Variants in C4orf51 observed in about 807,000 individuals in gnomAD.
C4orf51 encodes uncharacterized protein C4orf51.
In C4orf51, 25 loss-of-function variants were observed where a neutral mutation model predicts 25.2. The ratio of observed to expected loss-of-function variants is 0.99; its 90% CI spans 0.72 to 1.39. The LOEUF (loss-of-function observed/expected upper bound fraction) is 1.39, where lower values mean the gene tolerates loss of function less well. Among genes scored for constraint, C4orf51 ranks in the 40% most tolerant of loss-of-function variants. C4orf51 has a pLI of 0.00. For missense variants in C4orf51, 252 were observed against 239.6 expected (o/e 1.05, Z -0.34); for synonymous variants, 100 against 84.5 (o/e 1.18, Z -1.01).
chr4:145,743,217 G>A (rs1196702360), intron 1 of C4orf51, among the ~76,000 whole-genome samples: 1 of 152,094 alleles, frequency 6.6e-6, no homozygotes, highest in African/African-American at 2.4e-5. Context: ...TTCTGTCTTA[G>A]TCTGTTTTGT....
At chr4:145,746,076 T>C (rs1295235701) in intron 1 of C4orf51, among the ~76,000 whole-genome samples, 1 of 152,204 alleles carries the variant, frequency 6.6e-6, no homozygotes, top group African/African-American at 2.4e-5. Flanking sequence ...TTATAATTTT[T>C]TTTCTATGGA....
chr4:145,722,719 C>A (rs1731807510), intron 2 of C4orf51, among the ~76,000 whole-genome samples: 1 of 152,174 alleles, frequency 6.6e-6, no homozygotes, highest in Non-Finnish European at 1.5e-5. Context: ...GGCTGTACAG[C>A]AGGGGGTGTA....
intron 1 of C4orf51, among the ~76,000 whole-genome samples, chr4:145,747,490 G>A (rs1204524650): frequency 6.6e-6 from 1 of 151,698 alleles, no homozygotes; most frequent in Non-Finnish European, 1.5e-5. Flanking sequence ...CTGTTGATAT[G>A]ATATATTACA....
intron 2 of C4orf51, among the ~76,000 whole-genome samples, chr4:145,717,730 G>A (rs1010644422): frequency 6.6e-6 from 1 of 152,216 alleles, no homozygotes; most frequent in African/African-American, 2.4e-5. Flanking sequence ...CTTTCAAAGA[G>A]TTCAGTTGCA....
chr4:145,719,397 A>T (rs551334070), intron 2 of C4orf51, among the ~76,000 whole-genome samples: 1 of 152,212 alleles, frequency 6.6e-6, no homozygotes, highest in Admixed American at 6.5e-5. Flanking sequence ...CGAGGTCGGG[A>T]GATCGAGACC....
intron 1 of C4orf51, among the ~76,000 whole-genome samples, chr4:145,769,909 C>T (rs1735982256): frequency 6.6e-6 from 1 of 152,208 alleles, no homozygotes; most frequent in African/African-American, 2.4e-5. Flanking sequence ...CTTGCTTCCT[C>T]AATACAGACA....
chr4:145,710,059 A>T (rs1249777673), intron 2 of C4orf51, among the ~76,000 whole-genome samples: 1 of 152,222 alleles, frequency 6.6e-6, no homozygotes, highest in East Asian at 1.9e-4. Context: ...ACACCAAAAT[A>T]TGTTAGCAGT....
intron 1 of C4orf51, among the ~76,000 whole-genome samples, chr4:145,753,954 G>T (rs1335050923): frequency 6.6e-6 from 1 of 152,204 alleles, no homozygotes; most frequent in African/African-American, 2.4e-5. Context: ...CTCTTAATGT[G>T]CCAACTCCTC....
chr4:145,730,483 T>G (rs374982116), intron 5 of C4orf51, among the ~76,000 whole-genome samples: 1 of 152,184 alleles, frequency 6.6e-6, no homozygotes, highest in Non-Finnish European at 1.5e-5. Flanking sequence ...TTAAACAGAT[T>G]GTTAAAATGG....
chr4:145,711,447 C>G (rs566656465), intron 2 of C4orf51, among the ~76,000 whole-genome samples: 109 of 152,292 alleles, frequency 7.2e-4, no homozygotes, highest in African/African-American at 2.6e-3. Flanking sequence ...CCGTATCTCT[C>G]TCCAGGTTTG....
chr4:145,769,713 G>A (rs959693284), intron 1 of C4orf51, among the ~76,000 whole-genome samples: 1 of 152,234 alleles, frequency 6.6e-6, no homozygotes, highest in South Asian at 2.1e-4. Context: ...GACCCAAGTG[G>A]TCATTTACCT....
At chr4:145,727,031 A>G in intron 3 of C4orf51, 62 bp downstream of exon 3, 2 of 1,271,910 alleles carry the variant, frequency 1.6e-6, no homozygotes, top group Non-Finnish European at 2.2e-6. Context: ...TATACACTGC[A>G]TATTATTCAT....
Position 145,765,565 on chromosome 4 carries a change from C to T in C4orf51, n.167-5423C>T. 6.2e-7 allele frequency: 1 copy of T among 1,613,256 alleles called. No homozygotes were observed. Among genetic ancestry groups the T allele is most frequent in the South Asian group, 1.1e-5 (1 of 90,906 alleles). On this transcript the variant is annotated intron_variant and non_coding_transcript_variant, in intron 1 of 1. Coordinates refer to the C4orf51 transcript ENST00000510096. This position sits in a 1 kb window ranked among gnomAD's most constrained non-coding sequence, Gnocchi z 4.7. ...TCCTTACCTTTCTCTGGCTTTTCCT[C>T]ACTGTTCAGTGAGGGCTGGCTCCCA...
At chr4:145,790,672 T>C in the C4orf51 span, among the ~76,000 whole-genome samples, 4 of 152,228 alleles carry the variant, frequency 2.6e-5, no homozygotes, top group African/African-American at 9.6e-5. Flanking sequence ...TATGGACAAG[T>C]CTTGATCATA....
At chr4:145,695,151 A>G (rs1423164004) in intron 1 of C4orf51, among the ~76,000 whole-genome samples, 1 of 152,238 alleles carries the variant, frequency 6.6e-6, no homozygotes, top group African/African-American at 2.4e-5. Context: ...TAGCTTTTTG[A>G]GGAATTGTCA....
chr4:145,749,486 T>A (rs1415193976), intron 1 of C4orf51, among the ~76,000 whole-genome samples: 1 of 152,190 alleles, frequency 6.6e-6, no homozygotes, highest in Admixed American at 6.5e-5. Context: ...TTCCTTCTTT[T>A]TTTTTCATTC....
chr4:145,745,320 A>AT (rs374600935), intron 1 of C4orf51, among the ~76,000 whole-genome samples: 89 of 135,340 alleles, frequency 6.6e-4, no homozygotes, highest in Non-Finnish European at 7.4e-4. Context: ...TTATTCATTC[A>AT]TTTTTTTTTT....
intron 1 of C4orf51, among the ~76,000 whole-genome samples, chr4:145,752,412 T>C (rs747992781): frequency 8.5e-5 from 13 of 152,218 alleles, no homozygotes; most frequent in Admixed American, 4.6e-4. Flanking sequence ...CAGCAATTTC[T>C]TTCTGGCCCA....
Position 145,753,903 on chromosome 4 carries a change from C to A in C4orf51, n.168-304C>A, listed in dbSNP as rs571503264. 5.1e-4 allele frequency among the ~76,000 whole-genome samples: 77 copies of A among 152,340 alleles called. 1 individual carries two copies. Among genetic ancestry groups the A allele is most frequent in the African/African-American group, 1.6e-3 (68 of 41,576 alleles). ...AACACACCCCCAATATGGGAGGACTCTAAAGAGGCCCTGCTACATGAATGA... is the reference window on the plus strand; with the variant it reads ...AACACACCCCCAATATGGGAGGACTATAAAGAGGCCCTGCTACATGAATGA... On this transcript the variant is annotated intron_variant and non_coding_transcript_variant, in intron 1 of 1. Coordinates refer to the C4orf51 transcript ENST00000508981.
Sources: allele counts gnomAD v4.1 joint callset (sites outside exome capture counted in the v4.1 genomes callset), GRCh38; gene constraint gnomAD v4.1.1; non-coding constraint Gnocchi (gnomAD v3.1); transcripts MANE v1.5; gene names NCBI Gene and HGNC (gene_info 2026-07-23, HGNC 2026-07-21).